Variants in TPRG1 observed in about 807,000 individuals in gnomAD.
TPRG1 encodes tumor protein p63 regulated 1, also known as tumor protein p63-regulated gene 1 protein.
A neutral mutation model predicts 29.3 loss-of-function variants in TPRG1; 29 were observed. The observed-to-expected ratio is 0.99, with a 90% confidence interval of 0.74 to 1.35. The LOEUF (loss-of-function observed/expected upper bound fraction) is 1.35. Ranked by LOEUF, TPRG1 falls within the 40% of genes most tolerant of loss-of-function variation. TPRG1 has a pLI of 0.00. For synonymous variants in TPRG1, 130 were observed against 116.8 expected (o/e 1.11, Z -0.73); for missense variants, 327 against 335.0 (o/e 0.98, Z 0.19).
intron 3 of TPRG1, among the ~76,000 whole-genome samples, chr3:189,135,677 G>C (rs952066825): frequency 2.0e-5 from 3 of 152,152 alleles, no homozygotes; most frequent in Non-Finnish European, 1.5e-5. Flanking sequence ...TTCTAAAAAA[G>C]AATATAGGAT....
intron 3 of TPRG1, among the ~76,000 whole-genome samples, chr3:189,216,237 A>C (rs910629580): frequency 2.0e-5 from 3 of 152,230 alleles, no homozygotes; most frequent in African/African-American, 7.2e-5. Context: ...TAACTTGATC[A>C]CAAAAGGGTT....
chr3:189,261,240 C>T (rs1296364829), intron 4 of TPRG1, among the ~76,000 whole-genome samples: 1 of 151,880 alleles, frequency 6.6e-6, no homozygotes, highest in East Asian at 1.9e-4. Flanking sequence ...TTGACCTGAC[C>T]AGAAAATTGA....
chr3:189,161,206 G>C (rs562149864), intron 5 of TPRG1, among the ~76,000 whole-genome samples: 1 of 152,340 alleles, frequency 6.6e-6, no homozygotes, highest in South Asian at 2.1e-4. Context: ...AGGTAATCGA[G>C]TATGGAATTA....
At chr3:189,125,053 C>T (rs184923362) in intron 1 of TPRG1, among the ~76,000 whole-genome samples, 2 of 152,244 alleles carry the variant, frequency 1.3e-5, no homozygotes, top group East Asian at 3.9e-4. Context: ...TGAATGTTTG[C>T]TTTTACTTCT....
At chr3:189,056,854 A>G (rs919378593) in intron 4 of TPRG1, among the ~76,000 whole-genome samples, 3 of 152,164 alleles carry the variant, frequency 2.0e-5, no homozygotes, top group African/African-American at 7.2e-5. Flanking sequence ...CTACTAATCA[A>G]AATGATGGCT....
chr3:189,140,829 C>T (rs1000826536), intron 3 of TPRG1, among the ~76,000 whole-genome samples: 4 of 152,150 alleles, frequency 2.6e-5, no homozygotes, highest in Non-Finnish European at 5.9e-5. Flanking sequence ...AGTTTTGCAT[C>T]CCCTTCCTAG....
intron 1 of TPRG1, among the ~76,000 whole-genome samples, chr3:189,189,406 C>A (rs1731384756): frequency 6.6e-6 from 1 of 151,682 alleles, no homozygotes. Flanking sequence ...AATATTCTAC[C>A]TAAACTACAT....
At chr3:189,241,275 T>A (rs1384948624) in intron 4 of TPRG1, among the ~76,000 whole-genome samples, 1 of 152,190 alleles carries the variant, frequency 6.6e-6, no homozygotes, top group Non-Finnish European at 1.5e-5. Context: ...AAAACCTTTT[T>A]ACATTGCCAG....
chr3:189,016,827 C>T (rs1712960695), intron 3 of TPRG1, among the ~76,000 whole-genome samples: 2 of 152,112 alleles, frequency 1.3e-5, no homozygotes, highest in African/African-American at 4.8e-5. Context: ...TTCCTGAGGC[C>T]CCCCAGTCAT....
At chr3:189,222,558 C>T (rs955070446) in intron 3 of TPRG1, among the ~76,000 whole-genome samples, 7 of 152,142 alleles carry the variant, frequency 4.6e-5, no homozygotes, top group Admixed American at 4.6e-4. Flanking sequence ...ATGCTAACCC[C>T]TAGTTCTCAT....
chr3:189,151,867 C>T (rs532290674), intron 5 of TPRG1, among the ~76,000 whole-genome samples: 50 of 152,092 alleles, frequency 3.3e-4, no homozygotes, highest in African/African-American at 1.2e-3. Context: ...GGCGAGAGAG[C>T]ATGACTCCAT....
intron 1 of TPRG1, among the ~76,000 whole-genome samples, chr3:189,110,450 T>G (rs1037227566): frequency 6.6e-6 from 1 of 152,128 alleles, no homozygotes; most frequent in Admixed American, 6.6e-5. Context: ...CAAGTCCATA[T>G]CAAACATATC....
intron 3 of TPRG1, among the ~76,000 whole-genome samples, chr3:189,009,361 C>T (rs1712473815): frequency 6.6e-6 from 1 of 151,956 alleles, no homozygotes; most frequent in African/African-American, 2.4e-5. Flanking sequence ...AGGACATTGG[C>T]CTAGTAAATG....
At position 189,166,437 on chromosome 3, in the gene TPRG1, A is replaced by C. The variant is rs1728176324; in HGVS notation, c.-10+15565A>C. On this transcript the variant is annotated intron_variant, in intron 5 of 6. Transcript: ENST00000412373. ...AGAATGACAACCTAGAAGAGACCTC[A>C]CTTTGAGCACGTCCAAACTGCTTTA... is the stretch of plus-strand genomic sequence containing the variant. 2.0e-5 allele frequency among the ~76,000 whole-genome samples: 3 copies of C among 152,216 alleles called. No homozygotes were observed. The South Asian group carries it at 6.2e-4, about 31-fold the overall frequency.
At chr3:189,142,957 C>A (rs1724771543) in intron 3 of TPRG1, among the ~76,000 whole-genome samples, 1 of 152,162 alleles carries the variant, frequency 6.6e-6, no homozygotes, top group Admixed American at 6.5e-5. Context: ...TTTCTTAATT[C>A]TTTCAGTATT....
At chr3:189,012,295 G>C (rs983663110) in intron 3 of TPRG1, among the ~76,000 whole-genome samples, 1 of 152,120 alleles carries the variant, frequency 6.6e-6, no homozygotes, top group South Asian at 2.1e-4. Context: ...TTATTATTTT[G>C]AGGTATGTTC....
chr3:189,173,181 C>T (rs1729034493), intron 1 of TPRG1, among the ~76,000 whole-genome samples: 1 of 151,706 alleles, frequency 6.6e-6, no homozygotes, highest in Non-Finnish European at 1.5e-5. Context: ...GAAATGTTTC[C>T]TCTGTGTGTG....
intron 1 of TPRG1, among the ~76,000 whole-genome samples, chr3:189,115,321 C>T (rs1039527620): frequency 6.6e-6 from 1 of 152,300 alleles, no homozygotes; most frequent in Non-Finnish European, 1.5e-5. Context: ...GGACTGGGAA[C>T]CTTAAGAAAT....
intron 1 of TPRG1, among the ~76,000 whole-genome samples, chr3:189,202,847 A>G (rs1359681784): frequency 6.6e-6 from 1 of 152,182 alleles, no homozygotes; most frequent in Admixed American, 6.5e-5. Context: ...CTCAGCCCAG[A>G]ACTCACTGGG....
Sources: gnomAD v4.1 joint callset for allele counts (sites outside exome capture counted in the v4.1 genomes callset) on GRCh38, gnomAD v4.1.1 for gene constraint, MANE v1.5 for transcripts, NCBI Gene and HGNC (gene_info 2026-07-23, HGNC 2026-07-21) for gene names.